The following PPM1H variants were observed in gnomAD, a reference collection of about 807,000 sequenced individuals.
The protein encoded by PPM1H is protein phosphatase 1H.
Under a neutral mutation model 54.9 loss-of-function variants are expected in PPM1H, and 27 were observed. The ratio of observed to expected loss-of-function variants is 0.49; its 90% CI spans 0.36 to 0.68. The LOEUF (loss-of-function observed/expected upper bound fraction) is 0.68, where lower values mean the gene tolerates loss of function less well. Ranked by LOEUF, PPM1H falls within the 30% of genes least tolerant of loss-of-function variation. The pLI is 0.00. For synonymous variants in PPM1H, 305 were observed against 270.8 expected, an observed-to-expected ratio of 1.13 and a Z score of -1.24; for missense variants, 596 against 667.8, an observed-to-expected ratio of 0.89 and a Z score of 1.19.
chr12:62,869,588 T>C (rs998660768), intron 1 of PPM1H, among the ~76,000 whole-genome samples: 3 of 152,148 alleles, frequency 2.0e-5, no homozygotes, highest in African/African-American at 4.8e-5. Context: ...TCAAAACCAC[T>C]ACCACATAAA....
At chr12:62,891,341 A>G (rs564872213) in intron 1 of PPM1H, among the ~76,000 whole-genome samples, 4 of 152,352 alleles carry the variant, frequency 2.6e-5, no homozygotes, top group South Asian at 2.1e-4. Context: ...AAGATGAACC[A>G]TTAGTTTACA....
At chr12:62,865,519 T>C (rs535052880) in intron 1 of PPM1H, among the ~76,000 whole-genome samples, 1 of 152,332 alleles carries the variant, frequency 6.6e-6, no homozygotes, top group African/African-American at 2.4e-5. Context: ...TGGATCATTT[T>C]TTCTGGCCCT....
At chr12:62,859,767 A>C (rs1869530231) in intron 1 of PPM1H, among the ~76,000 whole-genome samples, 1 of 152,208 alleles carries the variant, frequency 6.6e-6, no homozygotes, top group East Asian at 1.9e-4. Flanking sequence ...CCAAGGGACA[A>C]AGCCCCTGCC....
At chr12:62,916,557 T>A (rs933235179) in intron 1 of PPM1H, among the ~76,000 whole-genome samples, 3 of 152,140 alleles carry the variant, frequency 2.0e-5, no homozygotes, top group African/African-American at 7.2e-5. Flanking sequence ...AATCACTGCT[T>A]TGAGATATAG....
intron 4 of PPM1H, among the ~76,000 whole-genome samples, chr12:62,758,885 G>C (rs2076490470): frequency 6.6e-6 from 1 of 152,156 alleles, no homozygotes; most frequent in Non-Finnish European, 1.5e-5. Flanking sequence ...AGCCTTAACT[G>C]ATGACATTCC....
At chr12:62,932,194 T>C (rs1024250040) in intron 1 of PPM1H, among the ~76,000 whole-genome samples, 1 of 152,024 alleles carries the variant, frequency 6.6e-6, no homozygotes, top group African/African-American at 2.4e-5. Context: ...AGGCTTCAAG[T>C]TGAATATCTC....
chr12:62,899,162 C>A (rs190915053), intron 1 of PPM1H, among the ~76,000 whole-genome samples: 3 of 152,158 alleles, frequency 2.0e-5, no homozygotes, highest in Non-Finnish European at 4.4e-5. Context: ...CAAAAGACTA[C>A]TTTTTCCCTT....
chr12:62,648,411 G>C lies in PPM1H; in HGVS notation c.*78C>G. The C allele has an allele frequency of 6.5e-7, 1 of 1,540,650 alleles. No individual in the cohort carries two copies. Among genetic ancestry groups the C allele is most frequent in the Non-Finnish European group, 8.9e-7 (1 of 1,127,706 alleles). On this transcript the variant is annotated 3_prime_UTR_variant, in exon 10 of 10. Coordinates refer to ENST00000228705, the MANE Select transcript of PPM1H (RefSeq NM_020700.2). Reference sequence around the variant, plus strand: ...GACTGCATCACTTGGAACTCAGCTGGGGCACTTCCCAGTTCCGTCCTGCCA... The same window carrying C: ...GACTGCATCACTTGGAACTCAGCTGCGGCACTTCCCAGTTCCGTCCTGCCA...
chr12:62,754,650 G>A (rs985135068), intron 4 of PPM1H, among the ~76,000 whole-genome samples: 1 of 152,100 alleles, frequency 6.6e-6, no homozygotes, highest in African/African-American at 2.4e-5. Flanking sequence ...GGTCTACCTG[G>A]GTTCCTTAAG....
At chr12:62,763,098 G>A (rs144362498) in intron 4 of PPM1H, among the ~76,000 whole-genome samples, 45 of 152,320 alleles carry the variant, frequency 3.0e-4, no homozygotes, top group East Asian at 1.7e-3. Flanking sequence ...AGCAGGGACC[G>A]AGAAGCAGAT....
chr12:62,720,056 A>G, intron 6 of PPM1H, 115 bp downstream of exon 6: 1 of 888,200 alleles, frequency 1.1e-6, no homozygotes, highest in Non-Finnish European at 1.8e-6. Flanking sequence ...TTTACCACAA[A>G]CCCTGGTCTC....
chr12:62,881,082 C>T (rs1450467950), intron 1 of PPM1H, among the ~76,000 whole-genome samples: 1 of 152,174 alleles, frequency 6.6e-6, no homozygotes, highest in Non-Finnish European at 1.5e-5. Context: ...CAAAGTTGCC[C>T]TAGTTAAGAA....
chr12:62,799,636 C>T (rs2076754429), intron 3 of PPM1H, among the ~76,000 whole-genome samples: 1 of 152,134 alleles, frequency 6.6e-6, no homozygotes. Context: ...ACCTTAATTC[C>T]CTTTTTCCTA....
intron 4 of PPM1H, among the ~76,000 whole-genome samples, chr12:62,787,050 TG>T (rs904999817): frequency 6.6e-6 from 1 of 152,200 alleles, no homozygotes; most frequent in African/African-American, 2.4e-5. Context: ...CCTTGTTCTC[TG>T]GGATCTTCCC....
At chr12:62,836,532 G>C (rs1321991937) in intron 1 of PPM1H, among the ~76,000 whole-genome samples, 4 of 152,184 alleles carry the variant, frequency 2.6e-5, no homozygotes, top group Admixed American at 2.6e-4. Flanking sequence ...GTCACAGCTA[G>C]TGACTGGCAG....
At chr12:62,826,794 G>A (rs1372454763) in intron 2 of PPM1H, among the ~76,000 whole-genome samples, 1 of 152,156 alleles carries the variant, frequency 6.6e-6, no homozygotes, top group Non-Finnish European at 1.5e-5. Flanking sequence ...ATGCATCTTC[G>A]GTTTGCCATC....
intron 3 of PPM1H, among the ~76,000 whole-genome samples, chr12:62,801,240 G>A (rs539098103): frequency 6.6e-6 from 1 of 152,190 alleles, no homozygotes; most frequent in African/African-American, 2.4e-5. Context: ...GCATCAATAT[G>A]AATATAGGAA....
intron 4 of PPM1H, among the ~76,000 whole-genome samples, chr12:62,770,084 T>C (rs547610366): frequency 5.9e-5 from 9 of 152,208 alleles, no homozygotes; most frequent in Admixed American, 5.9e-4. Flanking sequence ...TCAGCTTTTT[T>C]TTTTTTTCCT....
At chr12:62,682,711 C>T (rs2076026249) in intron 8 of PPM1H, among the ~76,000 whole-genome samples, 2 of 152,086 alleles carry the variant, frequency 1.3e-5, no homozygotes, top group Non-Finnish European at 2.9e-5. Context: ...ATTATATTGT[C>T]CAAGCTGGTC....
Sources: gnomAD v4.1 joint callset for allele counts (sites outside exome capture counted in the v4.1 genomes callset) on GRCh38, gnomAD v4.1.1 for gene constraint, MANE v1.5 for transcripts, NCBI Gene and HGNC (gene_info 2026-07-23, HGNC 2026-07-21) for gene names.